The following ZNF483 variants were observed in gnomAD, a reference collection of about 807,000 sequenced individuals.
ZNF483 encodes zinc finger protein 483, also known as zinc finger protein HIT-10.
A neutral mutation model predicts 28.6 loss-of-function variants in ZNF483; 9 were observed. The ratio of observed to expected loss-of-function variants is 0.32; its 90% CI spans 0.19 to 0.55. The LOEUF (loss-of-function observed/expected upper bound fraction) is 0.55, where lower values mean the gene tolerates loss of function less well. ZNF483 is among the 20% of genes least tolerant of loss of function. The pLI, the probability that ZNF483 is intolerant of heterozygous loss-of-function variation, is 0.93. For synonymous variants in ZNF483, 322 were observed against 306.2 expected (o/e 1.05, Z -0.54); for missense variants, 675 against 871.7 (o/e 0.77, Z 2.84).
Position 111,527,453 on chromosome 9 carries a change from C to G in ZNF483, c.58C>G (p.Leu20Val). The G allele has an allele frequency of 6.2e-7, 1 of 1,614,174 alleles. No individual in the cohort carries two copies. Among genetic ancestry groups the G allele is most frequent in the South Asian group, 1.1e-5 (1 of 91,084 alleles). ...AGCCATCTCACCAGAACCTCAAACTCTGGCCTCGACTGAACAAAATGAGGT... is the reference window on the plus strand; with the variant it reads ...AGCCATCTCACCAGAACCTCAAACTGTGGCCTCGACTGAACAAAATGAGGT... ...MTAISPEPQT[L>V]ASTEQNEVPR... Residue 20 changes from leucine to valine, a missense_variant, in exon 2 of 6, where the codon CTG (leucine) becomes GTG (valine). This residue lies in a region of ZNF483 where 525 missense variants were observed against 581.8 expected (regional missense o/e 0.90). Transcript: ENST00000309235.
At chr9:111,564,545 A>G (rs550715367) in intron 5 of ZNF483, among the ~76,000 whole-genome samples, 8 of 151,650 alleles carry the variant, frequency 5.3e-5, no homozygotes, top group African/African-American at 1.9e-4. Context: ...GGCTCAAGTG[A>G]TCCGCCCACC....
chr9:111,542,522 G>A lies in ZNF483; in HGVS notation c.1587G>A (p.Gly529=). 3.7e-6 allele frequency: 6 copies of A among 1,613,980 alleles called. No homozygotes were observed. The highest frequency in any genetic ancestry group is 5.1e-6 in the Non-Finnish European group (6 of 1,179,992). ...AACCTTATAAATGTAAAGACTGTGG[G>A]AGACCCTTTAGTGACAGTTCATCTC... ...GEKPYKCKDC[G]RPFSDSSSLI... is the part of the protein sequence containing the mutation. The change falls in exon 6 of 6, where the codon GGG becomes GGA. Residue 529 remains glycine (G), a synonymous_variant. Coordinates refer to ENST00000309235, the MANE Select transcript of ZNF483 (RefSeq NM_133464.5). This position sits in a 1 kb window ranked among gnomAD's most constrained non-coding sequence, Gnocchi z 6.2.
downstream of ZNF483, among the ~76,000 whole-genome samples, chr9:111,558,099 AT>A (rs1228031452): frequency 1.3e-5 from 2 of 152,076 alleles, no homozygotes; most frequent in Non-Finnish European, 2.9e-5. Context: ...CTAAGCCGAG[AT>A]TGCACCACTG....
intron 5 of ZNF483, among the ~76,000 whole-genome samples, chr9:111,562,005 C>G (rs1828339137): frequency 6.6e-6 from 1 of 151,496 alleles, no homozygotes; most frequent in Non-Finnish European, 1.5e-5. Context: ...CCTGCCTCAG[C>G]CTCTTGAGTA....
chr9:111,546,150 C>T lies in ZNF483; in HGVS notation c.*2980C>T, dbSNP rs947166939. Among the ~76,000 whole-genome samples the T allele has an allele frequency of 5.3e-5, 8 of 152,124 alleles. No individual in the cohort carries two copies. The highest frequency in any genetic ancestry group is 1.7e-4 in the African/African-American group (7 of 41,440). On this transcript the variant is annotated 3_prime_UTR_variant, in exon 6 of 6. Coordinates refer to ENST00000309235, the MANE Select transcript of ZNF483 (RefSeq NM_133464.5). ...GTTTTAACTTTGATTTTCCTGATGG[C>T]GAATAATGTCAAAGCATCTTTTATG...
In ZNF483 at chr9:111,530,977, G is replaced by T; in HGVS notation, c.501+14G>T. 7.2e-7 allele frequency: 1 copy of T among 1,383,050 alleles called. No homozygotes were observed. The highest frequency in any genetic ancestry group is 9.9e-7 in the Non-Finnish European group (1 of 1,013,356). The allele number at this position is 1,383,050 out of a possible 1,614,324, so 85.7% of individuals were successfully genotyped here. On this transcript the variant is annotated intron_variant, in intron 3 of 5. Coordinates refer to ENST00000309235, the MANE Select transcript of ZNF483 (RefSeq NM_133464.5). ...ACTGAGTCCTGTGTAAGTTTCCTTT[G>T]ATGGTTTTTATTCCTAAGTGAATAC...
rs1827997885 is a variant in ZNF483, at chr9:111,552,464, C to T, written c.*9294C>T. Among the ~76,000 whole-genome samples the T allele has an allele frequency of 6.6e-6, 1 of 152,134 alleles. No homozygotes were observed. The highest frequency in any genetic ancestry group is 2.4e-5 in the African/African-American group (1 of 41,434). ...ATAGAGCAATGAGGGAAAAGTTATC[C>T]TCTTGCTTTAAAATTCCAACATGGA... On this transcript the variant is annotated 3_prime_UTR_variant, in exon 6 of 6. Transcript: ENST00000309235.
chr9:111,562,206 A>G (rs971255480), intron 5 of ZNF483, among the ~76,000 whole-genome samples: 3 of 151,696 alleles, frequency 2.0e-5, no homozygotes, highest in Admixed American at 6.6e-5. Context: ...TATAACATGT[A>G]TATGAAAGAT....
In ZNF483 at chr9:111,550,322, G is replaced by T. The variant is rs1445118216; in HGVS notation, c.*7152G>T. 6.6e-6 allele frequency among the ~76,000 whole-genome samples: 1 copy of T among 152,146 alleles called. No homozygotes were observed. On this transcript the variant is annotated 3_prime_UTR_variant, in exon 6 of 6. Transcript: ENST00000309235. ...TGGGAGAATGGTAGCTTGCTTCTTT[G>T]TCTGCTCTTTCTCTGTGATCAGAAG...
chr9:111,539,658 G>C (rs138430832), intron 5 of ZNF483: 51 of 238,320 alleles, frequency 2.1e-4, no homozygotes, highest in Admixed American at 6.7e-4. Context: ...GGCTACTTGG[G>C]AGGCTGAGGC....
intron 5 of ZNF483, among the ~76,000 whole-genome samples, chr9:111,561,139 G>GA (rs1828296047): frequency 6.4e-5 from 1 of 15,564 alleles, no homozygotes; most frequent in Non-Finnish European, 1.2e-4. Context: ...AGAGAGAGAG[G>GA]AGAGAGAGGG....
intron 5 of ZNF483, among the ~76,000 whole-genome samples, chr9:111,573,858 T>C (rs1244405479): frequency 6.6e-6 from 1 of 152,104 alleles, no homozygotes; most frequent in East Asian, 1.9e-4. Flanking sequence ...GGGATGTGGT[T>C]TCAGCATAAG....
At chr9:111,561,795 T>G (rs1257748078) in intron 5 of ZNF483, among the ~76,000 whole-genome samples, 1 of 151,852 alleles carries the variant, frequency 6.6e-6, no homozygotes, top group Admixed American at 6.6e-5. Context: ...GTGGTAATCT[T>G]AAGACTTCAA....
intron 2 of ZNF483, 93 bp from the exon 3 acceptor site, chr9:111,530,782 T>TATATATAC (rs1827315801): frequency 1.3e-5 from 1 of 78,948 alleles, no homozygotes; most frequent in Admixed American, 1.1e-4. Context: ...TATATATATA[T>TATATATAC]ATATATATAT....
chr9:111,563,321 A>C (rs1589290819), intron 5 of ZNF483: 1 of 1,277,248 alleles, frequency 7.8e-7, no homozygotes, highest in Non-Finnish European at 1.1e-6. Flanking sequence ...TATCAGGTAC[A>C]TCATTGGAAA....
In ZNF483 at chr9:111,542,684, A is replaced by G. The variant is rs758374009; in HGVS notation, c.1749A>G (p.Glu583=). The G allele has an allele frequency of 3.7e-6, 6 of 1,613,650 alleles. No individual in the cohort carries two copies. In the Admixed American group the frequency reaches 1.0e-4, roughly 27 times the overall value. ...GAGAGAAACCCTATAAATGTGGCGAATGTGGAAAAGCCTTTAGGCAGAATT... is the reference window on the plus strand; with the variant it reads ...GAGAGAAACCCTATAAATGTGGCGAGTGTGGAAAAGCCTTTAGGCAGAATT... ...HTGEKPYKCG[E]CGKAFRQNSC... Residue 583 remains glutamate, a synonymous_variant, in exon 6 of 6, where the codon GAA becomes GAG. Transcript: ENST00000309235. This position sits in a 1 kb window ranked among gnomAD's most constrained non-coding sequence, Gnocchi z 6.2.
intron 5 of ZNF483, among the ~76,000 whole-genome samples, chr9:111,570,859 G>C (rs933933825): frequency 6.6e-6 from 1 of 152,136 alleles, no homozygotes; most frequent in Non-Finnish European, 1.5e-5. Flanking sequence ...TAACAGCAAA[G>C]GTCTTCGTAA....
exon 6 of ZNF483, chr9:111,576,418 C>A (rs1829057502): frequency 6.2e-7 from 1 of 1,614,040 alleles, no homozygotes; most frequent in South Asian, 1.1e-5. Flanking sequence ...TGAATAAGAC[C>A]ATGCTCTGCC....
intron 5 of ZNF483, among the ~76,000 whole-genome samples, chr9:111,570,767 A>C (rs970210121): frequency 1.1e-4 from 16 of 152,262 alleles, no homozygotes; most frequent in African/African-American, 3.9e-4. Context: ...TGACAGAATG[A>C]GACTCTGCCT....
Sources: allele counts gnomAD v4.1 joint callset (sites outside exome capture counted in the v4.1 genomes callset), GRCh38; gene constraint gnomAD v4.1.1; regional missense constraint gnomAD v4.1.1; non-coding constraint Gnocchi (gnomAD v3.1); transcripts MANE v1.5; gene names NCBI Gene and HGNC (gene_info 2026-07-23, HGNC 2026-07-21).